ANKRD30BL: variants seen among roughly 807,000 people sequenced by gnomAD.
ANKRD30BL encodes putative ankyrin repeat domain-containing protein 30B-like.
In ANKRD30BL, 20 loss-of-function variants were observed where a neutral mutation model predicts 18.4. The observed-to-expected ratio is 1.09, with a 90% CI of 0.77 to 1.58. The LOEUF is 1.58. Among genes scored for constraint, ANKRD30BL ranks in the 40% most tolerant of loss-of-function variants. The pLI is 0.00. For missense variants in ANKRD30BL, 224 were observed against 268.6 expected, an observed-to-expected ratio of 0.83 and a Z score of 1.16; for synonymous variants, 72 against 100.9, an observed-to-expected ratio of 0.71 and a Z score of 1.72.
At chr2:132,215,614 G>C (rs78350743) in intron 1 of ANKRD30BL, among the ~76,000 whole-genome samples, 1 of 152,020 alleles carries the variant, frequency 6.6e-6, no homozygotes, top group Non-Finnish European at 1.5e-5. Context: ...TTTTGAGTGA[G>C]CAGTTTGGAA....
chr2:132,218,185 G>T (rs1450305650), intron 1 of ANKRD30BL, among the ~76,000 whole-genome samples: 1 of 152,278 alleles, frequency 6.6e-6, no homozygotes, highest in African/African-American at 2.4e-5. Context: ...AACTCACAGA[G>T]TTGAACGTTT....
chr2:132,200,654 C>G (rs1679079792), intron 1 of ANKRD30BL, among the ~76,000 whole-genome samples: 1 of 152,110 alleles, frequency 6.6e-6, no homozygotes, highest in Non-Finnish European at 1.5e-5. Flanking sequence ...GGGATACAAA[C>G]AAATGGAAGA....
At chr2:132,179,145 A>T (rs917850978) in intron 1 of ANKRD30BL, among the ~76,000 whole-genome samples, 2 of 152,136 alleles carry the variant, frequency 1.3e-5, no homozygotes, top group African/African-American at 4.8e-5. Context: ...TTCATTACTC[A>T]CATGTCTGTG....
chr2:132,234,381 A>G (rs992489608), intron 1 of ANKRD30BL, among the ~76,000 whole-genome samples: 10 of 152,216 alleles, frequency 6.6e-5, no homozygotes, highest in Admixed American at 3.9e-4. Context: ...CCCTTCAAAA[A>G]ATTAATGAAT....
chr2:132,202,226 G>A (rs1679116325), intron 1 of ANKRD30BL, among the ~76,000 whole-genome samples: 1 of 152,010 alleles, frequency 6.6e-6, no homozygotes, highest in Non-Finnish European at 1.5e-5. Context: ...CACCAGCATG[G>A]CACATGTATA....
chr2:132,204,338 A>G (rs1195950873), intron 1 of ANKRD30BL, among the ~76,000 whole-genome samples: 2 of 152,098 alleles, frequency 1.3e-5, no homozygotes, highest in Non-Finnish European at 2.9e-5. Context: ...TTACCCTTCA[A>G]TGATGGGACA....
intron 4 of ANKRD30BL, chr2:132,153,705 A>T (rs1364424028): frequency 3.3e-6 from 4 of 1,222,888 alleles, no homozygotes; most frequent in African/African-American, 1.6e-5. Context: ...CTAAAATAAC[A>T]AAGAGATAAC....
At chr2:132,149,260 C>T (rs991917950) in intron 5 of ANKRD30BL, among the ~76,000 whole-genome samples, 1 of 152,112 alleles carries the variant, frequency 6.6e-6, no homozygotes, top group Non-Finnish European at 1.5e-5. Context: ...TAGAGTTGAG[C>T]TAGTTTTATA....
chr2:132,148,896 G>T (rs1687685926), intron 5 of ANKRD30BL, among the ~76,000 whole-genome samples: 1 of 152,036 alleles, frequency 6.6e-6, no homozygotes, highest in Admixed American at 6.6e-5. Flanking sequence ...AATGATAATA[G>T]CAAGAAAGAT....
At chr2:132,217,736 T>G (rs1418168533) in intron 1 of ANKRD30BL, among the ~76,000 whole-genome samples, 1 of 152,292 alleles carries the variant, frequency 6.6e-6, no homozygotes. Context: ...CATGTGGATA[T>G]TTCAACCAGT....
chr2:132,211,430 C>A (rs1679345877), intron 1 of ANKRD30BL, among the ~76,000 whole-genome samples: 1 of 152,062 alleles, frequency 6.6e-6, no homozygotes, highest in South Asian at 2.1e-4. Flanking sequence ...TTCTGAGAAA[C>A]TTCTGTGTGA....
intron 1 of ANKRD30BL, among the ~76,000 whole-genome samples, chr2:132,223,238 T>C (rs898051709): frequency 6.6e-6 from 1 of 152,160 alleles, no homozygotes; most frequent in South Asian, 2.1e-4. Context: ...TTCAAGTGGA[T>C]ATTTTTACTG....
intron 1 of ANKRD30BL, among the ~76,000 whole-genome samples, chr2:132,241,775 A>C (rs1680335362): frequency 6.6e-6 from 1 of 150,488 alleles, no homozygotes; most frequent in Non-Finnish European, 1.5e-5. Flanking sequence ...TTGATACGCA[A>C]GTTTTGAAAC....
At chr2:132,183,470 AG>A (rs1558923074) in intron 1 of ANKRD30BL, among the ~76,000 whole-genome samples, 1 of 152,120 alleles carries the variant, frequency 6.6e-6, no homozygotes, top group Non-Finnish European at 1.5e-5. Flanking sequence ...GACGTAAAAA[AG>A]GGTGAGCTGT....
chr2:132,148,818 TA>T (rs1239739502), intron 5 of ANKRD30BL, among the ~76,000 whole-genome samples: 1 of 151,960 alleles, frequency 6.6e-6, no homozygotes, highest in Middle Eastern at 3.2e-3. Flanking sequence ...TAGTAAATAA[TA>T]AAAAAGATGA....
At chr2:132,180,694 A>G (rs1688445366) in intron 1 of ANKRD30BL, among the ~76,000 whole-genome samples, 2 of 152,170 alleles carry the variant, frequency 1.3e-5, no homozygotes, top group African/African-American at 4.8e-5. Flanking sequence ...AAGAGAGAAA[A>G]GAAATTTAAG....
intron 1 of ANKRD30BL, among the ~76,000 whole-genome samples, 151 bp from the exon 2 acceptor site, chr2:132,157,574 T>C (rs993741485): frequency 6.6e-6 from 1 of 152,218 alleles, no homozygotes; most frequent in African/African-American, 2.4e-5. Context: ...CAATATTCCT[T>C]CACTGTTATT....
At chr2:132,184,175 C>T (rs1688523596) in intron 1 of ANKRD30BL, among the ~76,000 whole-genome samples, 1 of 152,044 alleles carries the variant, frequency 6.6e-6, no homozygotes, top group Admixed American at 6.6e-5. Flanking sequence ...TGGGTTCAAG[C>T]TATTCTCCTT....
intron 1 of ANKRD30BL, among the ~76,000 whole-genome samples, chr2:132,257,283 G>A (rs79113146): frequency 5.9e-5 from 9 of 152,168 alleles, no homozygotes; most frequent in African/African-American, 2.2e-4. Context: ...CACGGTCGTC[G>A]GCACCGGTCG....
Sources: allele counts gnomAD v4.1 joint callset (sites outside exome capture counted in the v4.1 genomes callset), GRCh38; gene constraint gnomAD v4.1.1; transcripts MANE v1.5; gene names NCBI Gene and HGNC (gene_info 2026-07-23, HGNC 2026-07-21).